CCDC57: variants seen among roughly 807,000 people sequenced by gnomAD.
CCDC57 encodes coiled-coil domain-containing protein 57.
In CCDC57, 118 loss-of-function variants were observed where a neutral mutation model predicts 118.9. The ratio of observed to expected loss-of-function variants is 0.99; its 90% CI spans 0.86 to 1.16. The LOEUF is 1.16. CCDC57 is among the 50% of genes most tolerant of loss of function. The probability of loss-of-function intolerance (pLI) is 0.00; values close to 1 mark genes in which losing one functional copy is unlikely to be tolerated. For synonymous variants in CCDC57, 527 were observed against 532.9 expected (o/e 0.99, Z 0.15); for missense variants, 1,300 against 1,320.7 (o/e 0.98, Z 0.24).
At position 82,208,300 on chromosome 17, in the gene CCDC57, A is replaced by T. The variant is rs191555507; in HGVS notation, c.-210-252T>A. On this transcript the variant is annotated intron_variant, in intron 1 of 19. Coordinates refer to ENST00000665763, the Ensembl canonical transcript of CCDC57. Reference sequence around the variant, plus strand: ...TTTAGACAGTCTTGTTTTCTTGCCCAGGCTGGAATGCAGTGGCGCGATCTT... The same window carrying T: ...TTTAGACAGTCTTGTTTTCTTGCCCTGGCTGGAATGCAGTGGCGCGATCTT... 9.9e-3 allele frequency among the ~76,000 whole-genome samples: 1,514 copies of T among 152,274 alleles called. 20 individuals are homozygous for T. The highest frequency in any genetic ancestry group is 0.035 in the African/African-American group (1,455 of 41,536).
intron 14 of CCDC57, 32 bp downstream of exon 13, chr17:82,163,168 G>A: frequency 1.2e-6 from 2 of 1,608,460 alleles, no homozygotes; most frequent in Admixed American, 1.7e-5. Context: ...CGGCTCTCTA[G>A]GAGGATGACC....
chr17:82,168,923 C>T (rs1399400926), intron 13 of CCDC57, among the ~76,000 whole-genome samples: 4 of 152,082 alleles, frequency 2.6e-5, no homozygotes, highest in Admixed American at 6.5e-5. Flanking sequence ...ACTTCCTTAA[C>T]CTCCCTCCAC....
rs549245472 is a variant in CCDC57, at chr17:82,128,934, T to C, written c.2578-337A>G. Reference sequence around the variant, plus strand: ...ATCCTGCTTTTTTGTTTTTTTTTTTTTTGAGACGGAGTCTTGCTCTGTCTC... The same window carrying C: ...ATCCTGCTTTTTTGTTTTTTTTTTTCTTGAGACGGAGTCTTGCTCTGTCTC... On this transcript the variant is annotated intron_variant, in intron 17 of 19. Transcript: ENST00000665763. Among the ~76,000 whole-genome samples the C allele has an allele frequency of 3.3e-5, 5 of 152,082 alleles. No homozygotes were observed. In the South Asian group the frequency reaches 8.3e-4, roughly 25 times the overall value.
Position 82,157,502 on chromosome 17 carries a change from C to T in CCDC57, c.2241+246G>A, listed in dbSNP as rs955135347. 4 of 1,422,428 alleles carry T rather than the reference C, an allele frequency of 2.8e-6. No individual in the cohort carries two copies. The African/African-American group carries it at 5.8e-5, about 20-fold the overall frequency. The allele number at this position is 1,422,428 out of a possible 1,614,324, so 88.1% of individuals were successfully genotyped here. ...GAAGGGAGGACTGGGATGGGCCCGT[C>T]CCGCCCCCCACCAACGGGGCATCAA... On this transcript the variant is annotated intron_variant, in intron 15 of 19. Coordinates refer to ENST00000665763, the Ensembl canonical transcript of CCDC57.
intron 19 of CCDC57, among the ~76,000 whole-genome samples, chr17:82,116,663 C>T (rs777348942): frequency 5.3e-5 from 8 of 152,152 alleles, no homozygotes; most frequent in Non-Finnish European, 1.2e-4. Flanking sequence ...TAGCGTTGGG[C>T]CTCATTTCTG....
intron 7 of CCDC57, among the ~76,000 whole-genome samples, chr17:82,190,743 C>T (rs971835873): frequency 7.3e-5 from 11 of 150,484 alleles, no homozygotes; most frequent in Admixed American, 4.6e-4. Flanking sequence ...GACAATGCCT[C>T]TTGCCACCCA....
chr17:82,112,911 TG>T (rs2035387587), intron 19 of CCDC57: 1 of 159,766 alleles, frequency 6.3e-6, no homozygotes, highest in African/African-American at 2.4e-5. Flanking sequence ...GTTTTCTAGT[TG>T]TTCATGGAGG....
intron 13 of CCDC57, among the ~76,000 whole-genome samples, chr17:82,169,735 C>G (rs754487738): frequency 2.0e-5 from 3 of 152,080 alleles, no homozygotes; most frequent in Non-Finnish European, 2.9e-5. Flanking sequence ...AATGGGCGAG[C>G]CAGGTTTCTC....
chr17:82,199,273 T>TCCAA (rs2048692175), intron 3 of CCDC57, among the ~76,000 whole-genome samples: 1 of 149,590 alleles, frequency 6.7e-6, no homozygotes, highest in Non-Finnish European at 1.5e-5. Flanking sequence ...GGGTCAGGAG[T>TCCAA]CCAAGACCAG....
At chr17:82,150,856 C>CGCACACCCA (rs1462234763) in intron 16 of CCDC57, among the ~76,000 whole-genome samples, 11 of 117,768 alleles carry the variant, frequency 9.3e-5, no homozygotes, top group Admixed American at 3.8e-4. Context: ...CAGAACCAGG[C>CGCACACCCA]GCACACCCAG....
At chr17:82,126,807 G>C in intron 19 of CCDC57, 2 of 985,420 alleles carry the variant, frequency 2.0e-6, no homozygotes, top group Non-Finnish European at 2.4e-6. Context: ...TGACGGTAAA[G>C]GACTGGAAAT....
chr17:82,205,063 G>C (rs1046543001), intron 2 of CCDC57, among the ~76,000 whole-genome samples: 1 of 152,242 alleles, frequency 6.6e-6, no homozygotes, highest in Non-Finnish European at 1.5e-5. Flanking sequence ...CACAGTCTTG[G>C]CGACTGAAAC....
chr17:82,208,591 G>C (rs2049941105), intron 1 of CCDC57, among the ~76,000 whole-genome samples: 1 of 152,120 alleles, frequency 6.6e-6, no homozygotes, highest in Non-Finnish European at 1.5e-5. Context: ...CCTGGGACTG[G>C]AAGGCAGGTC....
chr17:82,118,456 G>A lies in CCDC57; in HGVS notation c.2899+9236C>T, dbSNP rs74557461. Among the ~76,000 whole-genome samples, 1,111 of 152,270 alleles carry A rather than the reference G, an allele frequency of 7.3e-3. 33 individuals are homozygous for A. The highest frequency in any genetic ancestry group is 0.048 in the Admixed American group (733 of 15,294). On this transcript the variant is annotated intron_variant, in intron 19 of 19. Coordinates refer to ENST00000665763, the Ensembl canonical transcript of CCDC57. The surrounding 1 kb of genome is among the most constrained non-coding windows in gnomAD (Gnocchi z 4.7). ...GGTTTGGAACATCCTTTGCCCCAGC[G>A]AGGTGCGAGGTGCTCCGGAACTTGC...
At position 82,188,591 on chromosome 17, in the gene CCDC57, A is replaced by G. The variant is rs974092935; in HGVS notation, c.852-172T>C. Among the ~76,000 whole-genome samples the G allele has an allele frequency of 4.6e-5, 7 of 152,364 alleles. No individual in the cohort carries two copies. The East Asian group carries it at 9.6e-4, about 21-fold the overall frequency. On this transcript the variant is annotated intron_variant, in intron 7 of 19. Transcript: ENST00000665763. ...TGTTCCTCATTCCTCGCAGGTAAAC[A>G]TGGACCAAGCCACTTTTCGATGCCA...
chr17:82,144,171 A>G (rs766674411), intron 16 of CCDC57, among the ~76,000 whole-genome samples: 6 of 152,162 alleles, frequency 3.9e-5, no homozygotes, highest in Non-Finnish European at 8.8e-5. Flanking sequence ...TGAGCCGGGC[A>G]TGATGGCATG....
rs533549239 is a variant in CCDC57 at position 82,190,695 on chromosome 17, CAAAAA to C, written c.852-2281_852-2277del. ...TGGGCAACAGAGCGAGACTCTGTCT[CAAAAA>C]AAAAAAAAAAAAAAAAAAATCTTTT... is the stretch of plus-strand genomic sequence containing the variant. On this transcript the variant is annotated intron_variant, in intron 7 of 19. Coordinates refer to ENST00000665763, the Ensembl canonical transcript of CCDC57. Among the ~76,000 whole-genome samples, 6 of 49,940 alleles carry C rather than the reference CAAAAA, an allele frequency of 1.2e-4. No homozygotes were observed. The East Asian group carries it at 2.3e-3, about 19-fold the overall frequency. 32.8% of individuals were successfully genotyped at this position (49,940 alleles called of 152,430 possible).
intron 19 of CCDC57, chr17:82,108,915 CTT>C (rs1333042116): frequency 6.6e-6 from 1 of 152,258 alleles, no homozygotes; most frequent in Admixed American, 6.5e-5. Flanking sequence ...TGCTCACACT[CTT>C]TAAGCTGCGA....
At chr17:82,185,518 C>T (rs1203693254) in intron 8 of CCDC57, among the ~76,000 whole-genome samples, 1 of 151,532 alleles carries the variant, frequency 6.6e-6, no homozygotes, top group African/African-American at 2.4e-5. Context: ...ACCTGGGAGG[C>T]TGAGGGGGGT....
Sources: gnomAD v4.1 joint callset for allele counts (sites outside exome capture counted in the v4.1 genomes callset) on GRCh38, gnomAD v4.1.1 for gene constraint, Gnocchi (gnomAD v3.1) non-coding constraint, MANE v1.5 for transcripts, NCBI Gene and HGNC (gene_info 2026-07-23, HGNC 2026-07-21) for gene names.